Variants in PDE1C observed in about 807,000 individuals in gnomAD.
The protein encoded by PDE1C is dual specificity calcium/calmodulin-dependent 3',5'-cyclic nucleotide phosphodiesterase 1C.
Under a neutral mutation model 93.1 loss-of-function variants are expected in PDE1C, and 62 were observed. The observed-to-expected ratio is 0.67, with a 90% CI of 0.54 to 0.82. The LOEUF (loss-of-function observed/expected upper bound fraction) is 0.82, where lower values mean the gene tolerates loss of function less well. Ranked by LOEUF, PDE1C falls within the 40% of genes least tolerant of loss-of-function variation. The probability of loss-of-function intolerance (pLI) is 0.00; values close to 1 mark genes in which losing one functional copy is unlikely to be tolerated. For synonymous variants in PDE1C, 325 were observed against 310.1 expected (o/e 1.05, Z -0.50); for missense variants, 742 against 884.6 (o/e 0.84, Z 2.04).
intron 2 of PDE1C, among the ~76,000 whole-genome samples, chr7:32,002,447 T>C (rs1489985290): frequency 2.0e-5 from 3 of 152,172 alleles, no homozygotes; most frequent in African/African-American, 7.2e-5. Context: ...TGATCCTCTT[T>C]GAGCCTCAGT....
At chr7:31,728,801 G>A in the PDE1C span, among the ~76,000 whole-genome samples, 1 of 152,196 alleles carries the variant, frequency 6.6e-6, no homozygotes, top group Non-Finnish European at 1.5e-5. Flanking sequence ...AACTCACAGA[G>A]GTGACATTTG....
intron 2 of PDE1C, among the ~76,000 whole-genome samples, chr7:31,957,038 G>C (rs1205650915): frequency 6.6e-6 from 1 of 151,632 alleles, no homozygotes; most frequent in African/African-American, 2.4e-5. Flanking sequence ...GACTGACAAT[G>C]AGCAATAAAA....
chr7:32,071,511 T>C (rs1449858009), upstream of PDE1C: 37 of 652,320 alleles, frequency 5.7e-5, no homozygotes, highest in African/African-American at 7.0e-4. Flanking sequence ...CCCACCCCCA[T>C]CTCTCTCTCT....
At chr7:31,633,980 C>T in the PDE1C span, among the ~76,000 whole-genome samples, 2 of 152,192 alleles carry the variant, frequency 1.3e-5, no homozygotes, top group African/African-American at 4.8e-5. Context: ...AATTCAGAAG[C>T]TTTTATTACC....
intron 1 of PDE1C, among the ~76,000 whole-genome samples, chr7:32,285,692 A>T (rs535819994): frequency 1.3e-5 from 2 of 150,238 alleles, no homozygotes; most frequent in African/African-American, 4.9e-5. Context: ...GGAGAAGAAG[A>T]AGAAAGAAGG....
At chr7:31,664,676 C>T in the PDE1C span, among the ~76,000 whole-genome samples, 4 of 152,174 alleles carry the variant, frequency 2.6e-5, no homozygotes, top group Admixed American at 6.5e-5. Context: ...GGCACAGAAC[C>T]TCATCCAACA....
At chr7:31,893,193 G>A (rs1156907389) in intron 2 of PDE1C, among the ~76,000 whole-genome samples, 1 of 152,126 alleles carries the variant, frequency 6.6e-6, no homozygotes, top group Non-Finnish European at 1.5e-5. Context: ...TCACGGAGAC[G>A]GTGTTTTGTT....
intron 3 of PDE1C, among the ~76,000 whole-genome samples, chr7:32,096,554 C>G (rs1326897695): frequency 6.6e-6 from 1 of 152,116 alleles, no homozygotes. Context: ...TGGCTCTGCT[C>G]CTATTCATCA....
chr7:31,740,654 T>C, the PDE1C span, among the ~76,000 whole-genome samples: 5 of 152,224 alleles, frequency 3.3e-5, no homozygotes, highest in African/African-American at 9.6e-5. Context: ...CATATCCTTA[T>C]TTATGTGAAC....
At chr7:32,399,770 G>A (rs528647712) in intron 1 of PDE1C, among the ~76,000 whole-genome samples, 1 of 150,418 alleles carries the variant, frequency 6.6e-6, no homozygotes, top group Non-Finnish European at 1.5e-5. Flanking sequence ...TTTTAGTAGA[G>A]ACAGGGTTTT....
chr7:31,737,060 C>A, the PDE1C span, among the ~76,000 whole-genome samples: 1 of 152,206 alleles, frequency 6.6e-6, no homozygotes, highest in Non-Finnish European at 1.5e-5. Context: ...AGGTGATTCT[C>A]CTGCCTCAGT....
chr7:32,053,466 C>A (rs1793654062), intron 1 of PDE1C, among the ~76,000 whole-genome samples: 2 of 152,156 alleles, frequency 1.3e-5, no homozygotes, highest in Non-Finnish European at 2.9e-5. Context: ...CCCTTGGACT[C>A]ATTAGCACAG....
chr7:32,411,669 G>A (rs895552495), intron 1 of PDE1C, among the ~76,000 whole-genome samples: 5 of 152,064 alleles, frequency 3.3e-5, no homozygotes, highest in Non-Finnish European at 5.9e-5. Context: ...ACACTTAGGC[G>A]ACACTAAATT....
intron 2 of PDE1C, among the ~76,000 whole-genome samples, chr7:31,981,784 A>C (rs1812408293): frequency 6.6e-6 from 1 of 152,240 alleles, no homozygotes; most frequent in Non-Finnish European, 1.5e-5. Flanking sequence ...AGAAAGTGTT[A>C]ATCTGCCTAT....
chr7:32,206,242 A>G (rs533666026), intron 2 of PDE1C, among the ~76,000 whole-genome samples: 2 of 152,140 alleles, frequency 1.3e-5, no homozygotes, highest in African/African-American at 4.8e-5. Context: ...GTATGCTGAT[A>G]ATGGGACGGC....
rs563326785 is a variant in PDE1C, at chr7:31,863,816, C to T, written c.750+1126G>A. Among the ~76,000 whole-genome samples the T allele has an allele frequency of 2.4e-4, 37 of 152,110 alleles. 1 individual carries two copies. The East Asian group carries it at 2.7e-3, about 11-fold the overall frequency. ...CATTTTAAAAAAATGAGGAAGTTTT[C>T]GCTCAGAGACTCAAGTAATTTATCA... On this transcript the variant is annotated intron_variant, in intron 7 of 17. Transcript: ENST00000396191.
At chr7:32,209,031 C>T (rs932990919) in intron 2 of PDE1C, among the ~76,000 whole-genome samples, 1 of 152,202 alleles carries the variant, frequency 6.6e-6, no homozygotes, top group South Asian at 2.1e-4. Flanking sequence ...ATTTCACGTA[C>T]CTCTCCTCAC....
At chr7:31,830,030 A>G (rs998098242) in intron 11 of PDE1C, among the ~76,000 whole-genome samples, 5 of 152,168 alleles carry the variant, frequency 3.3e-5, no homozygotes, top group African/African-American at 1.2e-4. Context: ...TTACTGAACA[A>G]TCACCTGATA....
intron 3 of PDE1C, among the ~76,000 whole-genome samples, chr7:32,118,208 A>G (rs1295950679): frequency 3.3e-5 from 5 of 152,202 alleles, no homozygotes; most frequent in Non-Finnish European, 5.9e-5. Context: ...ACCACAGACA[A>G]GTATAGAAGC....
Sources: allele counts gnomAD v4.1 joint callset (sites outside exome capture counted in the v4.1 genomes callset), GRCh38; gene constraint gnomAD v4.1.1; transcripts MANE v1.5; gene names NCBI Gene and HGNC (gene_info 2026-07-23, HGNC 2026-07-21).